The following GRID2IP variants were observed in gnomAD, a reference collection of about 807,000 sequenced individuals.
GRID2IP encodes delphilin.
GRID2IP carries 78 observed loss-of-function variants against 114.3 expected under a neutral mutation model. The ratio of observed to expected loss-of-function variants is 0.68; its 90% CI spans 0.57 to 0.82. The LOEUF is 0.82. Ranked by LOEUF, GRID2IP falls within the 40% of genes least tolerant of loss-of-function variation. The probability of loss-of-function intolerance (pLI) is 0.00; values close to 1 mark genes in which losing one functional copy is unlikely to be tolerated. For synonymous variants in GRID2IP, 809 were observed against 724.0 expected (o/e 1.12, Z -1.89); for missense variants, 1,727 against 1,678.5 (o/e 1.03, Z -0.51).
intron 8 of GRID2IP, among the ~76,000 whole-genome samples, chr7:6,511,808 C>G (rs1054110919): frequency 2.6e-5 from 4 of 152,208 alleles, no homozygotes; most frequent in Admixed American, 1.3e-4. Flanking sequence ...GGACCAGCAA[C>G]TCTGCAGCGG....
At chr7:6,542,672 A>G (rs1204832965) in intron 1 of GRID2IP, among the ~76,000 whole-genome samples, 1 of 152,176 alleles carries the variant, frequency 6.6e-6, no homozygotes, top group Non-Finnish European at 1.5e-5. Flanking sequence ...TAAATAAATA[A>G]GAAAATAAAA....
rs928903394 is a variant in GRID2IP, at chr7:6,516,997, G to C, written c.1269-2468C>G. Among the ~76,000 whole-genome samples, 1 of 151,766 alleles carries C rather than the reference G, an allele frequency of 6.6e-6. No homozygotes were observed. Among genetic ancestry groups the C allele is most frequent in the African/African-American group, 2.4e-5 (1 of 41,298 alleles). On this transcript the variant is annotated intron_variant, in intron 7 of 21. Transcript: ENST00000457091. The surrounding 1 kb of genome is among the most constrained non-coding windows in gnomAD (Gnocchi z 4.3). ...GGCCACTACTGGTCTCCGCGTCTTG[G>C]TGGTAGTGGTCCCCCGGGCCCAGCT...
intron 1 of GRID2IP, among the ~76,000 whole-genome samples, chr7:6,542,291 G>C (rs1220846332): frequency 1.3e-5 from 1 of 78,416 alleles, no homozygotes; most frequent in South Asian, 3.8e-4. Flanking sequence ...GGCAACAAGA[G>C]CAAAAACTCC....
intron 13 of GRID2IP, 47 bp from the exon 14 acceptor site, chr7:6,505,954 T>G: frequency 6.0e-6 from 8 of 1,331,056 alleles, no homozygotes; most frequent in Non-Finnish European, 8.4e-6. Context: ...CAGCAGCAGC[T>G]GGACTGGCCT....
At position 6,507,865 on chromosome 7, in the gene GRID2IP, C is replaced by G. The variant is rs1309070713; in HGVS notation, c.2544+120G>C. On this transcript the variant is annotated intron_variant, in intron 13 of 21. Transcript: ENST00000457091. The surrounding 1 kb of genome is among the most constrained non-coding windows in gnomAD (Gnocchi z 5.3). ...TTCTTGGGCTGGGCCTCTACTCATC[C>G]TCTGCTTGGGGTAGGGAGGATGATG... The G allele has an allele frequency of 7.0e-7, 1 of 1,435,540 alleles. No homozygotes were observed. The highest frequency in any genetic ancestry group is 9.2e-7 in the Non-Finnish European group (1 of 1,084,876). The allele number at this position is 1,435,540 out of a possible 1,614,324, so 88.9% of individuals were successfully genotyped here.
At chr7:6,522,450 C>A (rs1309322057) in intron 4 of GRID2IP, among the ~76,000 whole-genome samples, 2 of 151,984 alleles carry the variant, frequency 1.3e-5, no homozygotes, top group Non-Finnish European at 2.9e-5. Flanking sequence ...ACAGAAAGGT[C>A]CTGTCAGGGT....
In GRID2IP at chr7:6,503,586, G is replaced by A. The variant is rs1236419070; in HGVS notation, c.2812C>T (p.Leu938=). Residue 938 remains leucine (L), a synonymous_variant, in exon 16 of 22, where the codon CTG becomes TTG. Transcript: ENST00000457091. ...RLEPAHLAQL[L]LFAPDADEEQ... is the part of the protein sequence containing the mutation. ...TCGTCGGCGTCGGGCGCGAAGAGCA[G>A]CAGCTGCGCGAGATGTGCGGGCTCC... 1.1e-5 allele frequency: 17 copies of A among 1,529,310 alleles called. No homozygotes were observed. The highest frequency in any genetic ancestry group is 1.5e-5 in the Non-Finnish European group (17 of 1,144,546). 94.7% of individuals were successfully genotyped at this position (1,529,310 alleles called of 1,614,324 possible).
At chr7:6,545,180 G>A (rs1321657139) in intron 1 of GRID2IP, among the ~76,000 whole-genome samples, 9 of 152,122 alleles carry the variant, frequency 5.9e-5, no homozygotes, top group African/African-American at 1.9e-4. Flanking sequence ...TTGGGAGGCC[G>A]AGGTAGGAGG....
In GRID2IP at chr7:6,509,300, C is replaced by T. The variant is rs1355935320; in HGVS notation, c.1785G>A (p.Leu595=). 4.6e-6 allele frequency: 7 copies of T among 1,519,874 alleles called. No homozygotes were observed. In the Admixed American group the frequency reaches 1.3e-4, roughly 27 times the overall value. The allele number at this position is 1,519,874 out of a possible 1,614,324, so 94.1% of individuals were successfully genotyped here. A position where few individuals can be genotyped will look rare whatever the true frequency, so the allele number is the denominator to read the frequency against. Residue 595 remains leucine (L), a synonymous_variant, in exon 12 of 22, where the codon CTG becomes CTA. Transcript: ENST00000457091. This position sits in a 1 kb window ranked among gnomAD's most constrained non-coding sequence, Gnocchi z 4.9. ...SPAVTTGPRT[L]SGVSWPSERL... ...GCTCGCTGGGCCATGAGACGCCGGA[C>T]AGGGTCCTGGGCCCTGGAGGAGGGA...
chr7:6,546,900 G>A (rs559172425), intron 1 of GRID2IP, among the ~76,000 whole-genome samples: 70 of 152,072 alleles, frequency 4.6e-4, no homozygotes, highest in Non-Finnish European at 8.4e-4. Context: ...TGGCTCCATG[G>A]CAGGTGATCT....
At position 6,506,679 on chromosome 7, in the gene GRID2IP, G is replaced by GTTTTT. The variant is rs750118370; in HGVS notation, c.2545-773_2545-772insAAAAA. 1.4e-4 allele frequency among the ~76,000 whole-genome samples: 18 copies of GTTTTT among 127,292 alleles called. 5 individuals are homozygous for GTTTTT. The highest frequency in any genetic ancestry group is 2.3e-4 in the African/African-American group (8 of 35,254). 83.5% of individuals were successfully genotyped at this position (127,292 alleles called of 152,430 possible). The stretch of plus-strand genomic sequence containing the variant: ...TTATTTGTGCCCTTGTCTCACTGAG[G>GTTTTT]TATTTTTTTTTTTTTTTTTTTAGAT... On this transcript the variant is annotated intron_variant, in intron 13 of 21. Transcript: ENST00000457091. This position sits in a 1 kb window ranked among gnomAD's most constrained non-coding sequence, Gnocchi z 5.2.
chr7:6,514,372 T>C lies in GRID2IP; in HGVS notation c.1423+3A>G. On this transcript the variant is annotated splice_donor_region_variant and intron_variant, in intron 8 of 21. Transcript: ENST00000457091. ...GGGAAGTGGCAGGGGAGAGGACGCT[T>C]ACCTGTCATGGCCGTGTAGCCCAGG... 6.6e-7 allele frequency: 1 copy of C among 1,508,554 alleles called. No homozygotes were observed. 93.4% of individuals were successfully genotyped at this position (1,508,554 alleles called of 1,614,324 possible). A position where few individuals can be genotyped will look rare whatever the true frequency, so the allele number is the denominator to read the frequency against.
rs1786703500 is a variant in GRID2IP at position 6,509,586 on chromosome 7, T to G, written c.1772-273A>C. On this transcript the variant is annotated intron_variant, in intron 11 of 21. Transcript: ENST00000457091. This position sits in a 1 kb window ranked among gnomAD's most constrained non-coding sequence, Gnocchi z 4.9. ...ACCAGGGGTCCCAGCTGGGAGCCAC[T>G]GAACACCATTAACTCAAAGGGTGGA... 6.6e-6 allele frequency among the ~76,000 whole-genome samples: 1 copy of G among 152,182 alleles called. No individual in the cohort carries two copies. The highest frequency in any genetic ancestry group is 2.4e-5 in the African/African-American group (1 of 41,446).
chr7:6,508,814 G>T lies in GRID2IP; in HGVS notation c.2127+144C>A. 1 of 1,301,434 alleles carries T rather than the reference G, an allele frequency of 7.7e-7. No individual in the cohort carries two copies. The highest frequency in any genetic ancestry group is 1.0e-6 in the Non-Finnish European group (1 of 975,246). The allele number at this position is 1,301,434 out of a possible 1,614,324, so 80.6% of individuals were successfully genotyped here. On this transcript the variant is annotated intron_variant, in intron 12 of 21. Transcript: ENST00000457091. The surrounding 1 kb of genome is among the most constrained non-coding windows in gnomAD (Gnocchi z 5.6). Reference sequence around the variant, plus strand: ...ATAGGGTAACCTGGGGCAAGGGGTGGGATAGCTTGAGCTAGGGAGTGGGAT... The same window carrying T: ...ATAGGGTAACCTGGGGCAAGGGGTGTGATAGCTTGAGCTAGGGAGTGGGAT...
rs1475326022 is a variant in GRID2IP at position 6,509,386 on chromosome 7, G to A, written c.1772-73C>T. ...GTTCCAGGTGCAAGCTGGAGAGAGG[G>A]TCCTAGGACAGACTGGCTCTGTGTC... On this transcript the variant is annotated intron_variant, in intron 11 of 21. Transcript: ENST00000457091. The surrounding 1 kb of genome is among the most constrained non-coding windows in gnomAD (Gnocchi z 4.9). 2 of 1,325,668 alleles carry A rather than the reference G, an allele frequency of 1.5e-6. No individual in the cohort carries two copies. The highest frequency in any genetic ancestry group is 1.5e-5 in the African/African-American group (1 of 66,352). The allele number at this position is 1,325,668 out of a possible 1,614,324, so 82.1% of individuals were successfully genotyped here.
At position 6,497,547 on chromosome 7, in the gene GRID2IP, C is replaced by T. The variant is rs80036610; in HGVS notation, c.*227G>A. 0.015 allele frequency: 6,743 copies of T among 462,526 alleles called. 70 individuals are homozygous for T. Among genetic ancestry groups the T allele is most frequent in the Non-Finnish European group, 0.021 (5,387 of 259,916 alleles). 28.7% of individuals were successfully genotyped at this position (462,526 alleles called of 1,614,324 possible). A position where few individuals can be genotyped will look rare whatever the true frequency, so the allele number is the denominator to read the frequency against. Reference sequence around the variant, plus strand: ...CAGAGCACGGTCCTCCATGTGCAGGCACACTCAGCACCTGCTCCTACAGCA... The same window carrying T: ...CAGAGCACGGTCCTCCATGTGCAGGTACACTCAGCACCTGCTCCTACAGCA... On this transcript the variant is annotated 3_prime_UTR_variant, in exon 22 of 22. Coordinates refer to ENST00000457091, the MANE Select transcript of GRID2IP (RefSeq NM_001145118.2).
chr7:6,526,855 G>T lies in GRID2IP; in HGVS notation c.585-86C>A, dbSNP rs1305783908. 1 of 1,326,346 alleles carries T rather than the reference G, an allele frequency of 7.5e-7. No homozygotes were observed. Among genetic ancestry groups the T allele is most frequent in the Non-Finnish European group, 9.7e-7 (1 of 1,028,382 alleles). The allele number at this position is 1,326,346 out of a possible 1,614,324, so 82.2% of individuals were successfully genotyped here. A position where few individuals can be genotyped will look rare whatever the true frequency, so the allele number is the denominator to read the frequency against. ...GGCCCGAAGGCGCGTCCTCGCGGGC[G>T]CCGCCCTAGGCTCTCCCACCTCTTC... On this transcript the variant is annotated intron_variant, in intron 2 of 21. Coordinates refer to ENST00000457091, the MANE Select transcript of GRID2IP (RefSeq NM_001145118.2). This position sits in a 1 kb window ranked among gnomAD's most constrained non-coding sequence, Gnocchi z 7.6.
At chr7:6,549,448 A>G (rs1483028633) in intron 1 of GRID2IP, among the ~76,000 whole-genome samples, 1 of 152,178 alleles carries the variant, frequency 6.6e-6, no homozygotes, top group Non-Finnish European at 1.5e-5. Context: ...CCTGCAGTCT[A>G]TCACAGCCTG....
At position 6,508,684 on chromosome 7, in the gene GRID2IP, A is replaced by G. The variant is rs1786668836; in HGVS notation, c.2127+274T>C. Among the ~76,000 whole-genome samples, 1 of 152,150 alleles carries G rather than the reference A, an allele frequency of 6.6e-6. No individual in the cohort carries two copies. The highest frequency in any genetic ancestry group is 2.1e-4 in the South Asian group (1 of 4,836). On this transcript the variant is annotated intron_variant, in intron 12 of 21. Transcript: ENST00000457091. This position sits in a 1 kb window ranked among gnomAD's most constrained non-coding sequence, Gnocchi z 5.6. The stretch of plus-strand genomic sequence containing the variant: ...TAAGGACAGGACCCTGTCACGGGTT[A>G]GCCTCAGGCTGTGAGTGGGATAGCC...
Sources: gnomAD v4.1 joint callset for allele counts (sites outside exome capture counted in the v4.1 genomes callset) on GRCh38, gnomAD v4.1.1 for gene constraint, Gnocchi (gnomAD v3.1) non-coding constraint, MANE v1.5 for transcripts, NCBI Gene and HGNC (gene_info 2026-07-23, HGNC 2026-07-21) for gene names.